Variants in FRMD4B observed in about 807,000 individuals in gnomAD.
The protein encoded by FRMD4B is FERM domain-containing protein 4B.
Under a neutral mutation model 141.5 loss-of-function variants are expected in FRMD4B, and 74 were observed. The ratio of observed to expected loss-of-function variants is 0.52; its 90% CI spans 0.43 to 0.63. The LOEUF (loss-of-function observed/expected upper bound fraction) is 0.63. Among genes scored for constraint, FRMD4B ranks in the 30% least tolerant of loss-of-function variants. The probability of loss-of-function intolerance (pLI) is 0.00; values close to 1 mark genes in which losing one functional copy is unlikely to be tolerated. For synonymous variants in FRMD4B, 506 were observed against 467.9 expected, an observed-to-expected ratio of 1.08 and a Z score of -1.05; for missense variants, 1,366 against 1,253.4, an observed-to-expected ratio of 1.09 and a Z score of -1.36.
intron 1 of FRMD4B, among the ~76,000 whole-genome samples, chr3:69,444,463 T>C (rs1705383727): frequency 6.6e-6 from 1 of 152,114 alleles, no homozygotes; most frequent in South Asian, 2.1e-4. Context: ...ATCAGAAGTG[T>C]TGTGATTATT....
chr3:69,312,294 G>A (rs1320070290), intron 2 of FRMD4B, among the ~76,000 whole-genome samples: 5 of 152,042 alleles, frequency 3.3e-5, no homozygotes, highest in Non-Finnish European at 7.4e-5. Flanking sequence ...AACAGCTTAG[G>A]GTATATTACG....
rs1010171720 is a variant in FRMD4B, at chr3:69,271,552, A to G, written c.501+16200T>C. The stretch of plus-strand genomic sequence containing the variant: ...AAAACTTTGATTTTCACAAATGCAC[A>G]AGGCAGTATATATCTTAATGCTCAT... On this transcript the variant is annotated intron_variant, in intron 5 of 22. Coordinates refer to ENST00000398540, the MANE Select transcript of FRMD4B (RefSeq NM_015123.3). Among the ~76,000 whole-genome samples the G allele has an allele frequency of 2.0e-4, 31 of 151,246 alleles. No homozygotes were observed. In the Admixed American group the frequency reaches 2.1e-3, roughly 10 times the overall value.
chr3:69,476,015 C>A (rs113328880), intron 1 of FRMD4B, among the ~76,000 whole-genome samples: 1 of 150,580 alleles, frequency 6.6e-6, no homozygotes, highest in Non-Finnish European at 1.5e-5. Context: ...CTTTTGAGAA[C>A]TGTCTGTTCA....
chr3:69,206,707 A>G (rs1344392860), intron 11 of FRMD4B, among the ~76,000 whole-genome samples: 2 of 152,210 alleles, frequency 1.3e-5, no homozygotes, highest in African/African-American at 4.8e-5. Context: ...AAATATTTCC[A>G]ATAAAATACC....
chr3:69,350,314 T>A (rs1703096251), intron 1 of FRMD4B, among the ~76,000 whole-genome samples: 1 of 152,102 alleles, frequency 6.6e-6, no homozygotes, highest in African/African-American at 2.4e-5. Context: ...CATTAAAAAG[T>A]CAGGAAACAA....
intron 1 of FRMD4B, among the ~76,000 whole-genome samples, chr3:69,335,606 G>T (rs529107058): frequency 2.0e-5 from 3 of 151,436 alleles, no homozygotes; most frequent in South Asian, 4.2e-4. Flanking sequence ...ATGAGCCGCT[G>T]CAGCCGGCCC....
chr3:69,407,746 T>A (rs1227258417), intron 2 of FRMD4B, among the ~76,000 whole-genome samples: 3 of 152,052 alleles, frequency 2.0e-5, no homozygotes, highest in African/African-American at 7.2e-5. Context: ...GAAAGAGTGC[T>A]ATGATTGATC....
intron 1 of FRMD4B, among the ~76,000 whole-genome samples, chr3:69,473,796 G>A (rs1288294474): frequency 6.6e-6 from 1 of 152,146 alleles, no homozygotes; most frequent in African/African-American, 2.4e-5. Flanking sequence ...TGGGCAAGGG[G>A]TTGAAGAAGT....
chr3:69,416,928 C>T (rs1333182182), intron 2 of FRMD4B, among the ~76,000 whole-genome samples: 1 of 152,150 alleles, frequency 6.6e-6, no homozygotes, highest in East Asian at 1.9e-4. Context: ...ATATATGCCA[C>T]ATTTTCTTTA....
rs1043444190 is a variant in FRMD4B, at chr3:69,287,824, C to T, written c.429G>A (p.Glu143=). 1.9e-6 allele frequency: 3 copies of T among 1,565,832 alleles called. No individual in the cohort carries two copies. The highest frequency in any genetic ancestry group is 1.7e-5 in the Admixed American group (1 of 57,352). The change falls in exon 5 of 23, where the codon GAG becomes GAA. Residue 143 remains glutamate, a synonymous_variant. Coordinates refer to ENST00000398540, the MANE Select transcript of FRMD4B (RefSeq NM_015123.3). ...TTTTATCCTTTAAAAACGATATGCT[C>T]TCAATGTAAAACCTGAAAAACAGCA... ...ILHFAVRFYI[E]SISFLKDKTT...
chr3:69,491,817 C>T (rs996773671), intron 1 of FRMD4B, among the ~76,000 whole-genome samples: 10 of 152,214 alleles, frequency 6.6e-5, no homozygotes, highest in Non-Finnish European at 8.8e-5. Context: ...CACAGCAAAG[C>T]AACTCACACC....
At chr3:69,491,617 G>T (rs1706302184) in intron 1 of FRMD4B, among the ~76,000 whole-genome samples, 1 of 152,182 alleles carries the variant, frequency 6.6e-6, no homozygotes, top group Admixed American at 6.5e-5. Flanking sequence ...CAGGGTTAAA[G>T]TTACAAATAC....
chr3:69,336,912 C>G (rs1256367193), intron 1 of FRMD4B, among the ~76,000 whole-genome samples: 1 of 152,170 alleles, frequency 6.6e-6, no homozygotes, highest in Non-Finnish European at 1.5e-5. Flanking sequence ...CCACTACACT[C>G]CAGCCTGGGC....
intron 2 of FRMD4B, among the ~76,000 whole-genome samples, chr3:69,402,092 C>A (rs1704572532): frequency 6.6e-6 from 1 of 152,192 alleles, no homozygotes; most frequent in African/African-American, 2.4e-5. Flanking sequence ...GTCTGCCCAA[C>A]TATTGCAGTC....
intron 1 of FRMD4B, 99 bp from the exon 2 acceptor site, chr3:69,313,616 C>T: frequency 4.2e-6 from 3 of 715,006 alleles, no homozygotes; most frequent in Non-Finnish European, 7.2e-6. Flanking sequence ...TGGGCTCAGC[C>T]TAAAAATGGC....
chr3:69,188,126 T>G (rs962792160), intron 18 of FRMD4B, among the ~76,000 whole-genome samples: 1 of 152,218 alleles, frequency 6.6e-6, no homozygotes, highest in Non-Finnish European at 1.5e-5. Flanking sequence ...AACACTCTTC[T>G]GGGACCTGAA....
At chr3:69,355,001 T>TA (rs1413985826) in intron 1 of FRMD4B, among the ~76,000 whole-genome samples, 6 of 149,374 alleles carry the variant, frequency 4.0e-5, no homozygotes, top group African/African-American at 1.5e-4. Context: ...TTCATGCACA[T>TA]ATACTTGTAG....
At chr3:69,218,891 G>A (rs564876769) in intron 9 of FRMD4B, among the ~76,000 whole-genome samples, 10 of 152,192 alleles carry the variant, frequency 6.6e-5, no homozygotes, top group Admixed American at 2.0e-4. Context: ...GGCTGGGCGC[G>A]GTGGCTCACG....
Position 69,176,659 on chromosome 3 carries a change from G to A in FRMD4B, c.2852-3C>T. ...CCCAGAAGCATTTGTAGAAGACACTGGAAATAAAAATGGAAAAAGATAAAA... is the reference window on the plus strand; with the variant it reads ...CCCAGAAGCATTTGTAGAAGACACTAGAAATAAAAATGGAAAAAGATAAAA... On this transcript the variant is annotated splice_polypyrimidine_tract_variant and splice_region_variant and intron_variant, in intron 21 of 22. Transcript: ENST00000398540. The A allele has an allele frequency of 6.3e-7, 1 of 1,589,252 alleles. No individual in the cohort carries two copies.
Sources: gnomAD v4.1 joint callset for allele counts (sites outside exome capture counted in the v4.1 genomes callset) on GRCh38, gnomAD v4.1.1 for gene constraint, MANE v1.5 for transcripts, NCBI Gene and HGNC (gene_info 2026-07-23, HGNC 2026-07-21) for gene names.